The following CNNM1 variants were observed in gnomAD, a reference collection of about 807,000 sequenced individuals.
The protein encoded by CNNM1 is cyclin and CBS domain divalent metal cation transport mediator 1, also known as metal transporter CNNM1.
Under a neutral mutation model 78.8 loss-of-function variants are expected in CNNM1, and 44 were observed. The observed-to-expected ratio is 0.56, with a 90% CI of 0.44 to 0.72. The LOEUF is 0.72. Among genes scored for constraint, CNNM1 ranks in the 30% least tolerant of loss-of-function variants. CNNM1 has a pLI of 0.00. For missense variants in CNNM1, 1,101 were observed against 1,292.2 expected (o/e 0.85, Z 2.27); for synonymous variants, 584 against 581.5 (o/e 1.00, Z -0.06).
intron 4 of CNNM1, among the ~76,000 whole-genome samples, chr10:99,363,673 A>G (rs2031510346): frequency 6.6e-6 from 1 of 151,926 alleles, no homozygotes; most frequent in Non-Finnish European, 1.5e-5. Flanking sequence ...CATGCTATGC[A>G]TTACATATCA....
intron 2 of CNNM1, among the ~76,000 whole-genome samples, chr10:99,358,211 G>A (rs756497012): frequency 5.9e-5 from 9 of 152,190 alleles, no homozygotes; most frequent in Non-Finnish European, 1.2e-4. Flanking sequence ...CCTGCCACCA[G>A]CATCCCTGCT....
rs145089898 is a variant in CNNM1, at chr10:99,387,978, C to T, written c.2499C>T (p.Leu833=). The change falls in exon 8 of 11, where the codon CTC becomes CTT. Residue 833 remains leucine (L), a synonymous_variant. Coordinates refer to ENST00000356713, the MANE Select transcript of CNNM1 (RefSeq NM_020348.3). ...QTPKDDPAIT[L]LNNRNSLPCS... ...CTAAGGATGACCCCGCCATCACGCT[C>T]CTCAACAACAGGAACAGCCTGCCGT... The T allele has an allele frequency of 3.7e-5, 59 of 1,596,870 alleles. No homozygotes were observed. The African/African-American group carries it at 7.5e-4, about 20-fold the overall frequency.
chr10:99,339,031 A>C (rs2030324177), intron 1 of CNNM1, among the ~76,000 whole-genome samples: 1 of 152,238 alleles, frequency 6.6e-6, no homozygotes, highest in African/African-American at 2.4e-5. Flanking sequence ...GGGGAAAGGA[A>C]TAAAGCTTTG....
At position 99,390,315 on chromosome 10, in the gene CNNM1, G is replaced by A; in HGVS notation, c.2684G>A (p.Ser895Asn). The A allele has an allele frequency of 1.2e-6, 2 of 1,611,918 alleles. No individual in the cohort carries two copies. Among genetic ancestry groups the A allele is most frequent in the Non-Finnish European group, 1.7e-6 (2 of 1,178,962 alleles). The change falls in exon 10 of 11, where the codon AGT (serine) becomes AAT (asparagine). Residue 895 changes from serine (S) to asparagine (N), a missense_variant. Physicochemically the swap from Ser to Asn is conservative, Grantham distance 46 (BLOSUM62 1). This residue lies in a region of CNNM1 where 348 missense variants were observed against 384.5 expected (regional missense o/e 0.90). Coordinates refer to ENST00000356713, the MANE Select transcript of CNNM1 (RefSeq NM_020348.3). ...TCCTTTCCTTTCTCAGCATCAGATA[G>A]TGAATGTTGTAACATCAACCTGGAT... is the stretch of plus-strand genomic sequence containing the variant. ...AAVPTRAASD[S>N]ECCNINLDTE... is the part of the protein sequence containing the mutation.
At chr10:99,378,237 C>T (rs572589616) in intron 7 of CNNM1, among the ~76,000 whole-genome samples, 2 of 152,192 alleles carry the variant, frequency 1.3e-5, no homozygotes, top group Admixed American at 6.5e-5. Flanking sequence ...GCTGGGATTA[C>T]AGGCGTGAGC....
At chr10:99,354,083 A>G (rs2031041684) in intron 1 of CNNM1, among the ~76,000 whole-genome samples, 1 of 152,364 alleles carries the variant, frequency 6.6e-6, no homozygotes, top group Non-Finnish European at 1.5e-5. Flanking sequence ...ATCCAATTAT[A>G]GGAAGCAATT....
At position 99,377,171 on chromosome 10, in the gene CNNM1, A is replaced by G. The variant is rs1257954289; in HGVS notation, c.2293A>G (p.Met765Val). ...QLYSSSNNLY[M>V]PDYSVHILSD... is the part of the protein sequence containing the mutation. ...GTACAGCAGCAGCAACAACCTCTAC[A>G]TGCCTGACTACTCAGTCCACATCCT... is the stretch of plus-strand genomic sequence containing the variant. Residue 765 changes from methionine to valine, a missense_variant, in exon 7 of 11, where the codon ATG becomes GTG. By Grantham distance (21) the Met-to-Val change is conservative. Transcript: ENST00000356713. 6.2e-7 allele frequency: 1 copy of G among 1,613,582 alleles called. No individual in the cohort carries two copies. The highest frequency in any genetic ancestry group is 8.5e-7 in the Non-Finnish European group (1 of 1,179,802).
In CNNM1 at chr10:99,329,481, TCTC is replaced by T; in HGVS notation, c.98_100del (p.Pro33del). ...TGTGCTCCTGCTCTTCTTTTCCCTG[TCTC>T]CTCGGCCCCCGGCCGCCGCCGCCTG... On this transcript the variant is annotated inframe_deletion, in exon 1 of 11. Coordinates refer to ENST00000356713, the MANE Select transcript of CNNM1 (RefSeq NM_020348.3). 6.7e-7 allele frequency: 1 copy of T among 1,486,372 alleles called. No individual in the cohort carries two copies. Among genetic ancestry groups the T allele is most frequent in the Non-Finnish European group, 9.0e-7 (1 of 1,112,576 alleles). The allele number at this position is 1,486,372 out of a possible 1,614,324, so 92.1% of individuals were successfully genotyped here.
At chr10:99,336,622 C>T (rs1047990354) in intron 1 of CNNM1, among the ~76,000 whole-genome samples, 1 of 152,204 alleles carries the variant, frequency 6.6e-6, no homozygotes, top group African/African-American at 2.4e-5. Flanking sequence ...CTCTATAGAG[C>T]TTCACTCTAA....
At chr10:99,359,923 C>CAAAAA (rs71009748) in intron 2 of CNNM1, among the ~76,000 whole-genome samples, 2 of 115,364 alleles carry the variant, frequency 1.7e-5, no homozygotes, top group African/African-American at 3.5e-5. Context: ...TTTCCTCTAC[C>CAAAAA]AAAAAAAAAA....
At chr10:99,332,368 T>C (rs1441257801) in intron 1 of CNNM1, among the ~76,000 whole-genome samples, 1 of 152,200 alleles carries the variant, frequency 6.6e-6, no homozygotes. Context: ...TATAGCTTCC[T>C]AATGGCTAGC....
intron 1 of CNNM1, among the ~76,000 whole-genome samples, chr10:99,350,201 T>G (rs561354132): frequency 2.6e-5 from 4 of 152,232 alleles, no homozygotes; most frequent in African/African-American, 9.6e-5. Context: ...AGACACTCAA[T>G]GCTGTCTACC....
intron 6 of CNNM1, among the ~76,000 whole-genome samples, chr10:99,370,180 G>A (rs2134061091): frequency 1.3e-5 from 2 of 152,320 alleles, no homozygotes; most frequent in Middle Eastern, 6.8e-3. Context: ...CCCAGGAAGT[G>A]CTGAGACTTC....
intron 1 of CNNM1, among the ~76,000 whole-genome samples, chr10:99,348,566 A>G (rs1331148916): frequency 1.3e-5 from 2 of 152,212 alleles, no homozygotes; most frequent in Non-Finnish European, 1.5e-5. Context: ...CTAAATTGAC[A>G]TAAAGGAAAG....
chr10:99,350,034 G>A (rs1434837243), intron 1 of CNNM1, among the ~76,000 whole-genome samples: 1 of 152,072 alleles, frequency 6.6e-6, no homozygotes, highest in Non-Finnish European at 1.5e-5. Context: ...ACAGCTATCT[G>A]GACCCTGCCC....
chr10:99,347,903 G>C (rs1160634064), intron 1 of CNNM1, among the ~76,000 whole-genome samples: 3 of 111,684 alleles, frequency 2.7e-5, no homozygotes, highest in African/African-American at 4.6e-5. Context: ...GTTCATCCCC[G>C]TCTCCCTTCC....
intron 1 of CNNM1, among the ~76,000 whole-genome samples, chr10:99,334,720 A>G (rs181950374): frequency 6.6e-6 from 1 of 152,314 alleles, no homozygotes; most frequent in East Asian, 1.9e-4. Context: ...CATTTTCCTT[A>G]CTTCCTTGCT....
At chr10:99,368,810 T>C in intron 6 of CNNM1, 1 of 511,322 alleles carries the variant, frequency 2.0e-6, no homozygotes, top group South Asian at 1.7e-5. Context: ...GGCATAGCAC[T>C]TTGCACAAAT....
intron 7 of CNNM1, among the ~76,000 whole-genome samples, chr10:99,379,364 G>T (rs1277804334): frequency 6.6e-6 from 1 of 152,192 alleles, no homozygotes; most frequent in African/African-American, 2.4e-5. Context: ...AGGTAATTGG[G>T]ATCAGTGATT....
Sources: gnomAD v4.1 joint callset for allele counts (sites outside exome capture counted in the v4.1 genomes callset) on GRCh38, gnomAD v4.1.1 for gene constraint, gnomAD v4.1.1 regional missense constraint, MANE v1.5 for transcripts, NCBI Gene and HGNC (gene_info 2026-07-23, HGNC 2026-07-21) for gene names.